GNA14: variants seen among roughly 807,000 people sequenced by gnomAD.
GNA14 encodes the protein guanine nucleotide-binding protein subunit alpha-14.
Under a neutral mutation model 42.0 loss-of-function variants are expected in GNA14, and 50 were observed. The ratio of observed to expected loss-of-function variants is 1.19; its 90% CI spans 0.95 to 1.51. The LOEUF is 1.51. Ranked by LOEUF, GNA14 falls within the 40% of genes most tolerant of loss-of-function variation. The probability of loss-of-function intolerance (pLI) is 0.00; values close to 1 mark genes in which losing one functional copy is unlikely to be tolerated. For synonymous variants in GNA14, 173 were observed against 163.1 expected (o/e 1.06, Z -0.46); for missense variants, 473 against 446.2 (o/e 1.06, Z -0.54).
chr9:77,492,588 A>T (rs34768371), intron 2 of GNA14, among the ~76,000 whole-genome samples: 8,949 of 152,274 alleles, frequency 0.059, 362 homozygotes, highest in East Asian at 0.15. Flanking sequence ...TCCTGGACAC[A>T]TCCAACCTAC....
chr9:77,468,787 C>A (rs995437933), intron 2 of GNA14, among the ~76,000 whole-genome samples: 1 of 152,198 alleles, frequency 6.6e-6, no homozygotes, highest in Non-Finnish European at 1.5e-5. Flanking sequence ...AGGTCCTGCA[C>A]GGTAACTGTG....
intron 2 of GNA14, among the ~76,000 whole-genome samples, chr9:77,466,700 G>A (rs1417975683): frequency 6.6e-6 from 1 of 152,038 alleles, no homozygotes; most frequent in African/African-American, 2.4e-5. Context: ...GCTTTCTTTT[G>A]AGAGCTGGAC....
intron 2 of GNA14, among the ~76,000 whole-genome samples, chr9:77,497,485 G>C (rs1025658425): frequency 9.8e-5 from 15 of 152,294 alleles, no homozygotes; most frequent in African/African-American, 3.6e-4. Context: ...CTGAGCTTCA[G>C]ACCTAGCAGG....
At chr9:77,498,874 G>A (rs1195865667) in intron 2 of GNA14, among the ~76,000 whole-genome samples, 1 of 152,174 alleles carries the variant, frequency 6.6e-6, no homozygotes, top group Non-Finnish European at 1.5e-5. Flanking sequence ...GTGGGTGTCT[G>A]CCTCTGTACT....
At chr9:77,535,369 C>A (rs904048618) in intron 1 of GNA14, among the ~76,000 whole-genome samples, 2 of 152,046 alleles carry the variant, frequency 1.3e-5, no homozygotes, top group African/African-American at 4.8e-5. Context: ...ACGGTGAAAC[C>A]CCGTCTCTAC....
intron 2 of GNA14, among the ~76,000 whole-genome samples, chr9:77,465,736 G>T (rs1836211520): frequency 6.6e-6 from 1 of 152,002 alleles, no homozygotes; most frequent in Non-Finnish European, 1.5e-5. Flanking sequence ...CTCCCAAGTA[G>T]GTGGGAACAC....
intron 2 of GNA14, among the ~76,000 whole-genome samples, chr9:77,515,915 A>T (rs1028430665): frequency 1.4e-5 from 2 of 144,836 alleles, no homozygotes; most frequent in African/African-American, 5.2e-5. Context: ...AGCCATGATC[A>T]TGCCACTGCA....
At chr9:77,600,939 A>T (rs1248912799) in intron 1 of GNA14, among the ~76,000 whole-genome samples, 1 of 152,202 alleles carries the variant, frequency 6.6e-6, no homozygotes, top group Non-Finnish European at 1.5e-5. Context: ...ACAAAGCAAT[A>T]AACAGATTAG....
chr9:77,503,835 A>G (rs1250466408), intron 2 of GNA14, among the ~76,000 whole-genome samples: 1 of 151,838 alleles, frequency 6.6e-6, no homozygotes, highest in Non-Finnish European at 1.5e-5. Flanking sequence ...TTTCACTAGA[A>G]ACGGGGTTTC....
intron 1 of GNA14, among the ~76,000 whole-genome samples, chr9:77,587,419 A>C (rs1823323089): frequency 6.6e-6 from 1 of 152,210 alleles, no homozygotes; most frequent in South Asian, 2.1e-4. Context: ...TCAGTTGATG[A>C]ATAGCTAAAG....
intron 5 of GNA14, among the ~76,000 whole-genome samples, chr9:77,427,590 T>C (rs1314185659): frequency 8.0e-6 from 1 of 124,764 alleles, no homozygotes; most frequent in South Asian, 2.4e-4. Flanking sequence ...TTAATGCAAG[T>C]TCAGGGGAAA....
chr9:77,505,168 G>A (rs1837048482), intron 2 of GNA14, among the ~76,000 whole-genome samples: 1 of 152,176 alleles, frequency 6.6e-6, no homozygotes, highest in African/African-American at 2.4e-5. Context: ...CTAAATTTGA[G>A]AGCCTAAGTA....
At chr9:77,574,605 T>A (rs2131798168) in intron 1 of GNA14, among the ~76,000 whole-genome samples, 1 of 152,346 alleles carries the variant, frequency 6.6e-6, no homozygotes, top group South Asian at 2.1e-4. Context: ...GAAACAAGGA[T>A]TCTCATCAAC....
intron 1 of GNA14, among the ~76,000 whole-genome samples, chr9:77,628,866 A>C (rs1011536475): frequency 1.3e-5 from 2 of 152,210 alleles, no homozygotes; most frequent in South Asian, 2.1e-4. Context: ...AGCAATGGCA[A>C]CAAAAGCCAA....
chr9:77,570,241 C>T lies in GNA14; in HGVS notation c.125-40988G>A, dbSNP rs148496472. 4.2e-3 allele frequency among the ~76,000 whole-genome samples: 643 copies of T among 152,232 alleles called. 4 individuals carry two copies. The highest frequency in any genetic ancestry group is 6.8e-3 in the South Asian group (33 of 4,828). ...GCTTTATTGAAATATAATCAACATA[C>T]TATCAAGTTTACCCATTTAATGTGT... On this transcript the variant is annotated intron_variant, in intron 1 of 6. Coordinates refer to ENST00000341700, the MANE Select transcript of GNA14 (RefSeq NM_004297.4).
chr9:77,479,182 G>C (rs926220635), intron 2 of GNA14, among the ~76,000 whole-genome samples: 9 of 151,898 alleles, frequency 5.9e-5, no homozygotes, highest in Non-Finnish European at 1.2e-4. Flanking sequence ...TTTAATCCAT[G>C]TTGAATTAAT....
Position 77,648,153 on chromosome 9 carries a change from C to T in GNA14, c.-360G>A, listed in dbSNP as rs1294282045. 9.4e-6 allele frequency: 3 copies of T among 318,740 alleles called. No individual in the cohort carries two copies. The highest frequency in any genetic ancestry group is 1.7e-5 in the Non-Finnish European group (3 of 172,340). The allele number at this position is 318,740 out of a possible 1,614,324, so 19.7% of individuals were successfully genotyped here. ...ACAGGAGCCGGACAGCAGTCGGGGG[C>T]GCAGACGAGTTGGAACGTCGGTGCT... On this transcript the variant is annotated 5_prime_UTR_variant, in exon 1 of 7. Transcript: ENST00000341700.
intron 2 of GNA14, among the ~76,000 whole-genome samples, chr9:77,466,060 G>A (rs11145434): frequency 0.24 from 36,823 of 152,138 alleles, 5,275 homozygotes; most frequent in East Asian, 0.49. Context: ...ACTTTCAACA[G>A]TTCGACTATA....
At chr9:77,627,093 T>C (rs1001124569) in intron 1 of GNA14, among the ~76,000 whole-genome samples, 1 of 152,154 alleles carries the variant, frequency 6.6e-6, no homozygotes, top group Admixed American at 6.5e-5. Context: ...CATCAGAGAA[T>C]ACTATAAACA....
Sources: gnomAD v4.1 joint callset for allele counts (sites outside exome capture counted in the v4.1 genomes callset) on GRCh38, gnomAD v4.1.1 for gene constraint, MANE v1.5 for transcripts, NCBI Gene and HGNC (gene_info 2026-07-23, HGNC 2026-07-21) for gene names.